PDGFD: variants seen among roughly 807,000 people sequenced by gnomAD.
The protein encoded by PDGFD is platelet-derived growth factor D.
Under a neutral mutation model 44.7 loss-of-function variants are expected in PDGFD, and 30 were observed. The observed-to-expected ratio is 0.67, with a 90% CI of 0.50 to 0.91. The LOEUF (loss-of-function observed/expected upper bound fraction) is 0.91. PDGFD is among the 40% of genes least tolerant of loss of function. The pLI is 0.00. For missense variants in PDGFD, 445 were observed against 457.8 expected (o/e 0.97, Z 0.25); for synonymous variants, 173 against 168.4 (o/e 1.03, Z -0.21).
intron 1 of PDGFD, among the ~76,000 whole-genome samples, chr11:104,123,796 C>T (rs748606481): frequency 4.6e-5 from 7 of 151,998 alleles, no homozygotes; most frequent in Non-Finnish European, 7.4e-5. Flanking sequence ...TTCTTTAATA[C>T]CACTTACTTC....
intron 1 of PDGFD, among the ~76,000 whole-genome samples, chr11:104,057,650 T>C (rs1484709278): frequency 6.6e-6 from 1 of 152,148 alleles, no homozygotes; most frequent in Non-Finnish European, 1.5e-5. Context: ...GTAATATACC[T>C]GCACATGTAC....
intron 1 of PDGFD, among the ~76,000 whole-genome samples, chr11:104,109,444 A>G (rs1861519116): frequency 1.3e-5 from 2 of 152,118 alleles, no homozygotes; most frequent in Admixed American, 6.6e-5. Context: ...CCATCAATAA[A>G]TGCTATTGAT....
chr11:104,141,470 A>C (rs775802146), intron 1 of PDGFD, among the ~76,000 whole-genome samples: 1 of 151,738 alleles, frequency 6.6e-6, no homozygotes, highest in Non-Finnish European at 1.5e-5. Flanking sequence ...AAATCTCTTA[A>C]GTGAGTTCTC....
intron 1 of PDGFD, among the ~76,000 whole-genome samples, chr11:104,155,964 T>C (rs2119920339): frequency 6.6e-6 from 1 of 152,284 alleles, no homozygotes; most frequent in Non-Finnish European, 1.5e-5. Flanking sequence ...AAATCTTAAA[T>C]ATTCAGGATC....
intron 6 of PDGFD, among the ~76,000 whole-genome samples, chr11:103,921,807 T>C (rs941275878): frequency 3.6e-5 from 5 of 138,930 alleles, no homozygotes; most frequent in Non-Finnish European, 6.3e-5. Flanking sequence ...GAATCAGAGA[T>C]AGGTATAGGC....
intron 1 of PDGFD, among the ~76,000 whole-genome samples, chr11:104,071,126 C>T (rs1236627869): frequency 1.3e-5 from 2 of 151,874 alleles, no homozygotes; most frequent in African/African-American, 4.8e-5. Flanking sequence ...GATCTACCCA[C>T]TTACATAAAT....
chr11:104,075,846 T>C (rs549415961), intron 1 of PDGFD, among the ~76,000 whole-genome samples: 3 of 152,180 alleles, frequency 2.0e-5, no homozygotes, highest in Admixed American at 6.5e-5. Flanking sequence ...TTTATATAAG[T>C]AGCGCTGAAC....
chr11:103,996,914 A>G (rs779086041), intron 2 of PDGFD, among the ~76,000 whole-genome samples: 17 of 152,326 alleles, frequency 1.1e-4, no homozygotes, highest in South Asian at 8.3e-4. Context: ...GCTTAAGACC[A>G]TAAGTTCACC....
intron 1 of PDGFD, among the ~76,000 whole-genome samples, chr11:104,007,034 C>T (rs552639761): frequency 6.6e-6 from 1 of 152,270 alleles, no homozygotes; most frequent in South Asian, 2.1e-4. Flanking sequence ...GATACCCACT[C>T]CTGGATGTTG....
At chr11:103,954,003 AC>A (rs1858798858) in intron 3 of PDGFD, among the ~76,000 whole-genome samples, 1 of 151,708 alleles carries the variant, frequency 6.6e-6, no homozygotes, top group African/African-American at 2.4e-5. Flanking sequence ...CAATTTACCC[AC>A]TGAATTGTGC....
chr11:103,989,733 C>A (rs1859423211), intron 3 of PDGFD, among the ~76,000 whole-genome samples: 1 of 152,068 alleles, frequency 6.6e-6, no homozygotes, highest in African/African-American at 2.4e-5. Flanking sequence ...TGGGAGGACA[C>A]AGAAAGTGAG....
At chr11:104,137,623 T>C (rs1011434019) in intron 1 of PDGFD, among the ~76,000 whole-genome samples, 1 of 151,982 alleles carries the variant, frequency 6.6e-6, no homozygotes, top group African/African-American at 2.4e-5. Context: ...CAGACCACCC[T>C]ATTGAAGAGA....
At chr11:104,039,371 C>T (rs1050253645) in intron 1 of PDGFD, among the ~76,000 whole-genome samples, 4 of 151,918 alleles carry the variant, frequency 2.6e-5, no homozygotes, top group Admixed American at 6.6e-5. Context: ...ATTTTCCCGA[C>T]AAGATATAAA....
At chr11:103,982,326 T>C (rs1008934758) in intron 3 of PDGFD, among the ~76,000 whole-genome samples, 4 of 151,868 alleles carry the variant, frequency 2.6e-5, no homozygotes, top group African/African-American at 2.4e-5. Context: ...TGAATGCTTG[T>C]TGGTTCAGCC....
chr11:104,020,730 T>C (rs1209745453), intron 1 of PDGFD, among the ~76,000 whole-genome samples: 2 of 152,158 alleles, frequency 1.3e-5, no homozygotes. Context: ...TATTACATTA[T>C]TCCCTGCATA....
intron 6 of PDGFD, among the ~76,000 whole-genome samples, chr11:103,926,459 T>TA (rs1565286145): frequency 6.6e-6 from 1 of 152,158 alleles, no homozygotes; most frequent in Admixed American, 6.5e-5. Context: ...ATTTAGAAAA[T>TA]AAAAAGATCT....
At chr11:103,977,503 T>G (rs143689008) in intron 3 of PDGFD, among the ~76,000 whole-genome samples, 1 of 152,214 alleles carries the variant, frequency 6.6e-6, no homozygotes, top group East Asian at 1.9e-4. Context: ...CATGATCAAC[T>G]GTTCATGCAT....
chr11:104,163,668 A>C, intron 1 of PDGFD, 136 bp downstream of exon 1: 4 of 1,040,336 alleles, frequency 3.8e-6, no homozygotes, highest in Non-Finnish European at 5.3e-6. Flanking sequence ...CAGGCAGGAG[A>C]CCTCCCTCCC....
At chr11:104,036,924 C>A (rs781498269) in intron 1 of PDGFD, 1 of 1,614,204 alleles carries the variant, frequency 6.2e-7, no homozygotes, top group Non-Finnish European at 8.5e-7. Context: ...AGGTCCTCTG[C>A]GAAGCGGAGT....
Sources: gnomAD v4.1 joint callset for allele counts (sites outside exome capture counted in the v4.1 genomes callset) on GRCh38, gnomAD v4.1.1 for gene constraint, MANE v1.5 for transcripts, NCBI Gene and HGNC (gene_info 2026-07-23, HGNC 2026-07-21) for gene names.